The following UBE3C variants were observed in gnomAD, a reference collection of about 807,000 sequenced individuals.
UBE3C encodes ubiquitin-protein ligase E3C.
A neutral mutation model predicts 129.4 loss-of-function variants in UBE3C; 42 were observed. The observed-to-expected ratio is 0.32, with a 90% confidence interval of 0.25 to 0.42. UBE3C has a LOEUF of 0.42. UBE3C is among the 10% of genes least tolerant of loss of function. UBE3C has a pLI of 1.00. For synonymous variants in UBE3C, 510 were observed against 492.4 expected (o/e 1.04, Z -0.47); for missense variants, 1,049 against 1,319.1 (o/e 0.80, Z 3.17).
At chr7:157,164,414 C>G (rs767835646) in intron 2 of UBE3C, 3 of 456,640 alleles carry the variant, frequency 6.6e-6, no homozygotes, top group South Asian at 4.6e-5. Flanking sequence ...CTCATTTTCC[C>G]AAAGTGTTGG....
At chr7:157,146,923 T>A (rs1586641401) in intron 1 of UBE3C, among the ~76,000 whole-genome samples, 1 of 152,162 alleles carries the variant, frequency 6.6e-6, no homozygotes, top group African/African-American at 2.4e-5. Context: ...AGTGCTGGGG[T>A]TACGGGAGTG....
chr7:157,226,530 G>A (rs1795884149), intron 17 of UBE3C, among the ~76,000 whole-genome samples: 1 of 152,204 alleles, frequency 6.6e-6, no homozygotes, highest in Admixed American at 6.5e-5. Flanking sequence ...CCAGCTTTTG[G>A]AAGGTGATGA....
intron 14 of UBE3C, among the ~76,000 whole-genome samples, chr7:157,218,806 C>A (rs751802669): frequency 2.0e-5 from 3 of 152,082 alleles, no homozygotes; most frequent in Non-Finnish European, 4.4e-5. Context: ...GAGCCTGTCT[C>A]TAGCTGGTCA....
intron 22 of UBE3C, among the ~76,000 whole-genome samples, chr7:157,266,402 T>C (rs1427681353): frequency 6.6e-6 from 1 of 152,218 alleles, no homozygotes. Flanking sequence ...AGATTCTAAA[T>C]TTGAATTTTT....
intron 1 of UBE3C, among the ~76,000 whole-genome samples, chr7:157,159,837 A>G (rs755052080): frequency 6.6e-6 from 1 of 152,100 alleles, no homozygotes; most frequent in Non-Finnish European, 1.5e-5. Flanking sequence ...AATAAATACC[A>G]TTTGCTTGCC....
intron 1 of UBE3C, among the ~76,000 whole-genome samples, chr7:157,143,359 CA>C (rs1375186213): frequency 1.3e-5 from 2 of 152,070 alleles, no homozygotes; most frequent in African/African-American, 4.8e-5. Flanking sequence ...CAAAAAGAAA[CA>C]AAAACAAGTT....
chr7:157,150,978 G>A (rs1353556459), intron 1 of UBE3C, among the ~76,000 whole-genome samples: 3 of 152,224 alleles, frequency 2.0e-5, no homozygotes, highest in African/African-American at 2.4e-5. Flanking sequence ...GGCCGCTTGC[G>A]GGGCTTCTTA....
At chr7:157,246,160 G>A (rs1796471586) in intron 18 of UBE3C, among the ~76,000 whole-genome samples, 1 of 152,112 alleles carries the variant, frequency 6.6e-6, no homozygotes, top group African/African-American at 2.4e-5. Flanking sequence ...AATCTCAAGG[G>A]GTGTCTGAGC....
intron 18 of UBE3C, among the ~76,000 whole-genome samples, chr7:157,237,878 C>G (rs1796193006): frequency 7.2e-6 from 1 of 138,040 alleles, no homozygotes; most frequent in Non-Finnish European, 1.5e-5. Context: ...GAGACCTGGT[C>G]TCTACCACTA....
chr7:157,245,615 A>G (rs1796451889), intron 18 of UBE3C, among the ~76,000 whole-genome samples: 1 of 152,206 alleles, frequency 6.6e-6, no homozygotes, highest in Non-Finnish European at 1.5e-5. Flanking sequence ...TCTTTTCAAA[A>G]TTAATTGGGT....
chr7:157,164,096 A>C (rs1488339006), intron 2 of UBE3C, among the ~76,000 whole-genome samples: 1 of 152,120 alleles, frequency 6.6e-6, no homozygotes, highest in African/African-American at 2.4e-5. Context: ...GTTGACTTAC[A>C]TAATGATATG....
intron 1 of UBE3C, among the ~76,000 whole-genome samples, chr7:157,156,300 CTTTTTTTTTTTTTT>C (rs1173730075): frequency 1.2e-5 from 1 of 85,886 alleles, no homozygotes; most frequent in Non-Finnish European, 2.2e-5. Flanking sequence ...ACCCCCAGTT[CTTTTTTTTTTTTTT>C]TTTTTTTTTT....
chr7:157,174,556 G>C (rs1160729383), intron 4 of UBE3C, among the ~76,000 whole-genome samples: 1 of 152,060 alleles, frequency 6.6e-6, no homozygotes, highest in East Asian at 1.9e-4. Context: ...AAGTTCAAGT[G>C]ATCCTCCCAT....
At chr7:157,174,529 C>T (rs1244975979) in intron 4 of UBE3C, among the ~76,000 whole-genome samples, 1 of 152,118 alleles carries the variant, frequency 6.6e-6, no homozygotes, top group East Asian at 1.9e-4. Flanking sequence ...TCACTGCAAC[C>T]TCCACCCACA....
At position 157,175,050 on chromosome 7, in the gene UBE3C, AAGTC is replaced by A; in HGVS notation, c.458+20_458+23del. The A allele has an allele frequency of 1.3e-6, 2 of 1,596,828 alleles. No homozygotes were observed. The highest frequency in any genetic ancestry group is 1.7e-6 in the Non-Finnish European group (2 of 1,167,958). On this transcript the variant is annotated intron_variant, in intron 5 of 22. Coordinates refer to ENST00000348165, the MANE Select transcript of UBE3C (RefSeq NM_014671.3). ...TCTGTTGCAGGTAAAATTCTATTGT[AAGTC>A]AGTAACGTATATAATGTATTGATCA...
chr7:157,187,884 A>T (rs1430905997), intron 10 of UBE3C, among the ~76,000 whole-genome samples: 1 of 151,942 alleles, frequency 6.6e-6, no homozygotes, highest in African/African-American at 2.4e-5. Flanking sequence ...CCTTCATAGT[A>T]CCCTTTTAAT....
intron 10 of UBE3C, among the ~76,000 whole-genome samples, chr7:157,199,366 A>G (rs139562778): frequency 6.6e-5 from 10 of 151,750 alleles, no homozygotes; most frequent in African/African-American, 2.4e-4. Flanking sequence ...TATGGTAAGG[A>G]TTTTAAATAT....
rs1796014259 is a variant in UBE3C at position 157,231,199 on chromosome 7, T to A, written c.2353T>A (p.Phe785Ile). The A allele has an allele frequency of 6.2e-7, 1 of 1,614,052 alleles. No individual in the cohort carries two copies. The highest frequency in any genetic ancestry group is 1.3e-5 in the African/African-American group (1 of 74,892). ...EFLNELLKSGFNPNQGFFKTT... is the reference protein window; with the variant it reads ...EFLNELLKSGINPNQGFFKTT... ...TTTAAATGAACTACTGAAGTCAGGA[T>A]TTAACCCCAACCAGGGGTTCTTTAA... The change falls in exon 18 of 23, where the codon TTT becomes ATT. Residue 785 changes from phenylalanine to isoleucine, a missense_variant. By Grantham distance (21) the Phe-to-Ile change is conservative. Transcript: ENST00000348165.
chr7:157,184,047 C>T lies in UBE3C; in HGVS notation c.1143+18C>T, dbSNP rs763824304. 1 of 1,609,902 alleles carries T rather than the reference C, an allele frequency of 6.2e-7. No homozygotes were observed. Among genetic ancestry groups the T allele is most frequent in the South Asian group, 1.1e-5 (1 of 90,944 alleles). ...CAAGCCCGGTAAGCCCCGTGCCCTGCATCTGGGGGGCTGCGATGCAGGCAG... is the reference window on the plus strand; with the variant it reads ...CAAGCCCGGTAAGCCCCGTGCCCTGTATCTGGGGGGCTGCGATGCAGGCAG... On this transcript the variant is annotated intron_variant, in intron 9 of 22. Transcript: ENST00000348165.
Sources: gnomAD v4.1 joint callset for allele counts (sites outside exome capture counted in the v4.1 genomes callset) on GRCh38, gnomAD v4.1.1 for gene constraint, MANE v1.5 for transcripts, NCBI Gene and HGNC (gene_info 2026-07-23, HGNC 2026-07-21) for gene names.